Variants in PRKN observed in about 807,000 individuals in gnomAD.
PRKN encodes E3 ubiquitin-protein ligase parkin.
PRKN carries 56 observed loss-of-function variants against 59.5 expected under a neutral mutation model. The observed-to-expected ratio is 0.94, with a 90% CI of 0.76 to 1.18. PRKN has a LOEUF of 1.18. PRKN is among the 50% of genes most tolerant of loss of function. PRKN has a pLI of 0.00. For missense variants in PRKN, 657 were observed against 596.4 expected, an observed-to-expected ratio of 1.10 and a Z score of -1.06; for synonymous variants, 250 against 222.1, an observed-to-expected ratio of 1.13 and a Z score of -1.12.
chr6:161,572,798 C>G (rs1780942514), intron 7 of PRKN, among the ~76,000 whole-genome samples: 1 of 152,164 alleles, frequency 6.6e-6, no homozygotes, highest in Non-Finnish European at 1.5e-5. Context: ...GATGCTTGAG[C>G]TGAGTGCTTC....
At chr6:161,855,282 G>A (rs1793606702) in intron 6 of PRKN, among the ~76,000 whole-genome samples, 1 of 152,006 alleles carries the variant, frequency 6.6e-6, no homozygotes, top group Admixed American at 6.6e-5. Context: ...CTAACATGCT[G>A]CCAGTTAAGA....
chr6:161,613,171 G>A (rs1782551180), intron 7 of PRKN, among the ~76,000 whole-genome samples: 1 of 152,132 alleles, frequency 6.6e-6, no homozygotes, highest in African/African-American at 2.4e-5. Context: ...CATAACAGGA[G>A]TTTGGAGGAA....
intron 1 of PRKN, among the ~76,000 whole-genome samples, chr6:162,562,837 T>C (rs972061580): frequency 6.6e-6 from 1 of 152,146 alleles, no homozygotes; most frequent in African/African-American, 2.4e-5. Flanking sequence ...TGAGTGAACA[T>C]AGGCAGTAGC....
intron 9 of PRKN, among the ~76,000 whole-genome samples, chr6:161,387,902 G>A (rs1397720899): frequency 1.3e-5 from 2 of 151,880 alleles, no homozygotes; most frequent in Non-Finnish European, 2.9e-5. Context: ...CACACGGACT[G>A]AGAGATGATG....
chr6:162,393,797 G>C (rs1168628423), intron 2 of PRKN, among the ~76,000 whole-genome samples: 2 of 151,978 alleles, frequency 1.3e-5, no homozygotes, highest in African/African-American at 4.8e-5. Context: ...TTTTCTTCTG[G>C]GAGACAGCTA....
At chr6:162,003,207 CAAAAA>C (rs60792069) in intron 5 of PRKN, among the ~76,000 whole-genome samples, 1 of 124,988 alleles carries the variant, frequency 8.0e-6, no homozygotes, top group Non-Finnish European at 1.7e-5. Flanking sequence ...AGGTTGTTGA[CAAAAA>C]AAAAAAAAAA....
chr6:161,643,827 A>C (rs1449756894), intron 7 of PRKN, among the ~76,000 whole-genome samples: 1 of 152,236 alleles, frequency 6.6e-6, no homozygotes, highest in Admixed American at 6.5e-5. Context: ...AGGCATAATA[A>C]TAACAACAAT....
At chr6:161,700,785 C>A (rs139184701) in intron 7 of PRKN, among the ~76,000 whole-genome samples, 1 of 152,124 alleles carries the variant, frequency 6.6e-6, no homozygotes, top group Non-Finnish European at 1.5e-5. Context: ...TTTGAAATTG[C>A]AGTCTACTGT....
chr6:162,291,658 G>A (rs1032894303), intron 2 of PRKN, among the ~76,000 whole-genome samples: 1 of 152,116 alleles, frequency 6.6e-6, no homozygotes, highest in African/African-American at 2.4e-5. Context: ...GCTGACAGGA[G>A]AATTTCCCGT....
At chr6:161,365,754 C>T (rs1172670491) in intron 10 of PRKN, among the ~76,000 whole-genome samples, 1 of 152,180 alleles carries the variant, frequency 6.6e-6, no homozygotes, top group African/African-American at 2.4e-5. Flanking sequence ...GATGTAACAC[C>T]TCCAGCAGCA....
At chr6:162,575,759 C>A (rs1780531700) in intron 1 of PRKN, among the ~76,000 whole-genome samples, 1 of 152,154 alleles carries the variant, frequency 6.6e-6, no homozygotes, top group Admixed American at 6.5e-5. Flanking sequence ...CTCACTGTCT[C>A]CATGGACTCC....
chr6:162,653,480 T>C (rs188540196), intron 1 of PRKN, among the ~76,000 whole-genome samples: 1 of 152,298 alleles, frequency 6.6e-6, no homozygotes, highest in Admixed American at 6.5e-5. Flanking sequence ...TCTTAGAAAA[T>C]TTCTCTGGAA....
At chr6:162,177,371 A>G (rs1391914320) in intron 4 of PRKN, among the ~76,000 whole-genome samples, 1 of 152,212 alleles carries the variant, frequency 6.6e-6, no homozygotes, top group African/African-American at 2.4e-5. Flanking sequence ...GATTTTCACT[A>G]AAATGGTTAG....
chr6:162,411,942 T>C (rs1304167972), intron 2 of PRKN, among the ~76,000 whole-genome samples: 1 of 152,164 alleles, frequency 6.6e-6, no homozygotes, highest in Non-Finnish European at 1.5e-5. Flanking sequence ...TCCCTTTGCT[T>C]TAAACACAAT....
chr6:162,322,861 C>A (rs1006119462), intron 2 of PRKN, among the ~76,000 whole-genome samples: 1 of 151,806 alleles, frequency 6.6e-6, no homozygotes, highest in African/African-American at 2.4e-5. Flanking sequence ...GAAAATGTGA[C>A]ACATATATAC....
At chr6:161,768,799 ATACAAAATTTTCTG>A (rs1789538345) in intron 7 of PRKN, among the ~76,000 whole-genome samples, 1 of 152,208 alleles carries the variant, frequency 6.6e-6, no homozygotes, top group Non-Finnish European at 1.5e-5. Context: ...CCTATTCAGA[ATACAAAATTTTCTG>A]GAAAGGACTT....
At position 161,377,130 on chromosome 6, in the gene PRKN, G is replaced by A. The variant is rs183453210; in HGVS notation, c.1167+9664C>T. On this transcript the variant is annotated intron_variant, in intron 10 of 11. Coordinates refer to ENST00000366898, the MANE Select transcript of PRKN (RefSeq NM_004562.3). This position sits in a 1 kb window ranked among gnomAD's most constrained non-coding sequence, Gnocchi z 4.2. ...AAAGAGGTCACGTGGGGCTACCTGC[G>A]GGCCAATAAGAGCATCCCAGCAAAG... 6.6e-6 allele frequency among the ~76,000 whole-genome samples: 1 copy of A among 152,322 alleles called. No individual in the cohort carries two copies. Among genetic ancestry groups the A allele is most frequent in the Admixed American group, 6.5e-5 (1 of 15,304 alleles).
intron 7 of PRKN, among the ~76,000 whole-genome samples, chr6:161,735,077 T>C (rs1182656591): frequency 6.7e-6 from 1 of 149,784 alleles, no homozygotes; most frequent in East Asian, 2.0e-4. Flanking sequence ...TCCTGTTAGG[T>C]GTCTTCTCCA....
At chr6:161,718,569 T>G (rs1352109294) in intron 7 of PRKN, among the ~76,000 whole-genome samples, 1 of 143,730 alleles carries the variant, frequency 7.0e-6, no homozygotes, top group African/African-American at 3.0e-5. Flanking sequence ...GGCAAAGGTG[T>G]GGCCTTCTCA....
Sources: allele counts gnomAD v4.1 joint callset (sites outside exome capture counted in the v4.1 genomes callset), GRCh38; gene constraint gnomAD v4.1.1; non-coding constraint Gnocchi (gnomAD v3.1); transcripts MANE v1.5; gene names NCBI Gene and HGNC (gene_info 2026-07-23, HGNC 2026-07-21).